RRN3: variants seen among roughly 807,000 people sequenced by gnomAD.
RRN3 encodes the protein RNA polymerase I-specific transcription initiation factor RRN3.
In RRN3, 38 loss-of-function variants were observed where a neutral mutation model predicts 82.3. That is an observed-to-expected ratio of 0.46 (90% CI 0.36 to 0.61). The LOEUF (loss-of-function observed/expected upper bound fraction) is 0.61. RRN3 is among the 20% of genes least tolerant of loss of function. The pLI is 0.00. For synonymous variants in RRN3, 284 were observed against 284.3 expected (o/e 1.00, Z 0.01); for missense variants, 726 against 793.1 (o/e 0.92, Z 1.02).
chr16:15,066,420 C>G (rs896104070), intron 15 of RRN3, among the ~76,000 whole-genome samples: 1 of 152,016 alleles, frequency 6.6e-6, no homozygotes, highest in Non-Finnish European at 1.5e-5. Flanking sequence ...TTCACTTGAG[C>G]TCAGGAGTTT....
At chr16:15,081,275 C>T (rs2151802814) in intron 8 of RRN3, among the ~76,000 whole-genome samples, 1 of 152,308 alleles carries the variant, frequency 6.6e-6, no homozygotes, top group Admixed American at 6.5e-5. Flanking sequence ...CTACATTTAA[C>T]CTTGAAGAAA....
rs376859834 is a variant in RRN3, at chr16:15,061,771, C to T, written c.1929G>A (p.Val643=). 25 of 1,613,928 alleles carry T rather than the reference C, an allele frequency of 1.5e-5. No individual in the cohort carries two copies. The highest frequency in any genetic ancestry group is 2.2e-5 in the East Asian group (1 of 44,876). The change falls in exon 18 of 18, where the codon GTG becomes GTA. Residue 643 remains valine, a synonymous_variant. Transcript: ENST00000198767. ...AGAGGGGACTGGGTTGCATGTACAA[C>T]ACGGGTGGGGAGCCCACACTACTTG... The part of the protein sequence containing the change: ...SPSSSVGSPP[V]LYMQPSPL
chr16:15,093,135 G>C (rs1005740047), intron 1 of RRN3, among the ~76,000 whole-genome samples: 2 of 152,070 alleles, frequency 1.3e-5, no homozygotes, highest in Admixed American at 1.3e-4. Context: ...CTCCTGAGTA[G>C]CTGGGATTAC....
At chr16:15,069,173 C>T (rs1366572564) in intron 14 of RRN3, among the ~76,000 whole-genome samples, 1 of 152,178 alleles carries the variant, frequency 6.6e-6, no homozygotes, top group Non-Finnish European at 1.5e-5. Context: ...CTGCGACCCC[C>T]GCAGAGGACA....
At chr16:15,072,058 C>CA (rs1423848968) in intron 12 of RRN3, among the ~76,000 whole-genome samples, 1 of 152,066 alleles carries the variant, frequency 6.6e-6, no homozygotes, top group Admixed American at 6.5e-5. Flanking sequence ...TGGAAAAAAA[C>CA]AGACACAGCT....
chr16:15,068,112 T>G, intron 15 of RRN3, 57 bp downstream of exon 15: 1 of 1,494,494 alleles, frequency 6.7e-7, no homozygotes, highest in Non-Finnish European at 9.1e-7. Flanking sequence ...CAATACTAGA[T>G]AAACATAAAT....
In RRN3 at chr16:15,076,576, C is replaced by T. The variant is rs547477317; in HGVS notation, c.840G>A (p.Thr280=). The T allele has an allele frequency of 5.3e-5, 86 of 1,611,470 alleles. No homozygotes were observed. In the East Asian group the frequency reaches 8.9e-4, roughly 17 times the overall value. ...TGCTAACCATATTAAACAATCCTTC[C>T]GTGGAATCTGTCCCACCACAAGTTT... The part of the protein sequence containing the change: ...ATQTCGGTDS[T]EGLFNMDEDE... The change falls in exon 10 of 18, where the codon ACG becomes ACA. Residue 280 remains threonine (T), a synonymous_variant. Transcript: ENST00000198767.
chr16:15,090,873 G>GT (rs4012873), intron 3 of RRN3, among the ~76,000 whole-genome samples: 1,387 of 128,094 alleles, frequency 0.011, 11 homozygotes, highest in Non-Finnish European at 0.014. Flanking sequence ...TCAGTGGTTT[G>GT]TTTTTTTTTT....
Position 15,061,922 on chromosome 16 carries a change from A to T in RRN3, c.1795-17T>A. On this transcript the variant is annotated splice_polypyrimidine_tract_variant and intron_variant, in intron 17 of 17. Transcript: ENST00000198767. ...CACTATGTCCTGCAGAAACATCAGA[A>T]ATCATCAGTAACATCACCAGTGCTG... 1.2e-6 allele frequency: 2 copies of T among 1,600,432 alleles called. No homozygotes were observed. The highest frequency in any genetic ancestry group is 1.7e-6 in the Non-Finnish European group (2 of 1,168,238).
At position 15,080,080 on chromosome 16, in the gene RRN3, T is replaced by C. The variant is rs1719506048; in HGVS notation, c.683A>G (p.Asn228Ser). 6.3e-7 allele frequency: 1 copy of C among 1,598,968 alleles called. No homozygotes were observed. Residue 228 changes from asparagine to serine, a missense_variant, in exon 9 of 18, where the codon AAC becomes AGC. By Grantham distance (46) the Asn-to-Ser change is conservative. Around this residue, in one of 4 missense-constraint regions of RRN3, gnomAD observed 344 missense variants for 394.5 expected, o/e 0.87. Coordinates refer to ENST00000198767, the MANE Select transcript of RRN3 (RefSeq NM_018427.5). ...SERTLECYVHNLLRISVYFPT... is the reference protein window; with the variant it reads ...SERTLECYVHSLLRISVYFPT... Reference sequence around the variant, plus strand: ...AAAATATACACTAATCCTTAGTAAGTTATGAACGTAACATTCCTAAAGGAG... The same window carrying C: ...AAAATATACACTAATCCTTAGTAAGCTATGAACGTAACATTCCTAAAGGAG...
At chr16:15,073,470 AAGAC>A (rs1458257351) in intron 11 of RRN3, among the ~76,000 whole-genome samples, 1 of 152,186 alleles carries the variant, frequency 6.6e-6, no homozygotes, top group Admixed American at 6.5e-5. Flanking sequence ...AAAAAAAAGA[AAGAC>A]AGACATTATC....
At chr16:15,084,733 G>A (rs758915427) in intron 6 of RRN3, 28 bp from the exon 7 acceptor site, 2 of 1,566,030 alleles carry the variant, frequency 1.3e-6, no homozygotes, top group East Asian at 2.2e-5. Flanking sequence ...CAGAGTATGA[G>A]CATCAAAACA....
At position 15,083,713 on chromosome 16, in the gene RRN3, C is replaced by G. The variant is rs546009978; in HGVS notation, c.597-131G>C. ...AAACAGGAACCCCTACCTCAAAGAA[C>G]TGGAACTTTTTTTGTTTTTTGAGAC... On this transcript the variant is annotated intron_variant, in intron 7 of 17. Coordinates refer to ENST00000198767, the MANE Select transcript of RRN3 (RefSeq NM_018427.5). The G allele has an allele frequency of 1.6e-3, 2,146 of 1,352,344 alleles. 3 individuals carry two copies. The highest frequency in any genetic ancestry group is 1.8e-3 in the Non-Finnish European group (1,751 of 995,768). The allele number at this position is 1,352,344 out of a possible 1,614,324, so 83.8% of individuals were successfully genotyped here.
At chr16:15,075,185 G>A (rs2045398752) in intron 10 of RRN3, among the ~76,000 whole-genome samples, 1 of 150,928 alleles carries the variant, frequency 6.6e-6, no homozygotes, top group African/African-American at 2.4e-5. Flanking sequence ...GGAGGTGGAG[G>A]AGGCTACAGT....
At position 15,072,618 on chromosome 16, in the gene RRN3, C is replaced by T. The variant is rs910634451; in HGVS notation, c.1128+332G>A. 5.9e-5 allele frequency among the ~76,000 whole-genome samples: 9 copies of T among 152,074 alleles called. 1 individual carries two copies. Among genetic ancestry groups the T allele is most frequent in the African/African-American group, 1.2e-4 (5 of 41,400 alleles). On this transcript the variant is annotated intron_variant, in intron 12 of 17. Transcript: ENST00000198767. ...AGGAGTTCAAGACCAGTATGGCCAA[C>T]GTGGCGAAACCCCACCTCTTCTAAA...
chr16:15,093,457 CT>C (rs1423777159), intron 1 of RRN3, among the ~76,000 whole-genome samples: 1 of 152,170 alleles, frequency 6.6e-6, no homozygotes, highest in Admixed American at 6.5e-5. Flanking sequence ...TATGTACTGC[CT>C]TTCCCCCCTA....
Position 15,061,757 on chromosome 16 carries a change from G to C in RRN3, c.1943C>G (p.Pro648Arg). Reference protein sequence around the residue: ...VGSPPVLYMQPSPL With the variant: ...VGSPPVLYMQRSPL Reference sequence around the variant, plus strand: ...AAATTTCTGCCGTCAGAGGGGACTGGGTTGCATGTACAACACGGGTGGGGA... The same window carrying C: ...AAATTTCTGCCGTCAGAGGGGACTGCGTTGCATGTACAACACGGGTGGGGA... Residue 648 changes from proline (P) to arginine (R), a missense_variant, in exon 18 of 18, where the codon CCC (proline) becomes CGC (arginine). Coordinates refer to ENST00000198767, the MANE Select transcript of RRN3 (RefSeq NM_018427.5). 1 of 1,612,930 alleles carries C rather than the reference G, an allele frequency of 6.2e-7. No homozygotes were observed. The highest frequency in any genetic ancestry group is 8.5e-7 in the Non-Finnish European group (1 of 1,178,954).
rs2044791915 is a variant in RRN3, at chr16:15,063,234, C to T, written c.1756G>A (p.Ala586Thr). 6.2e-7 allele frequency: 1 copy of T among 1,613,566 alleles called. No homozygotes were observed. The highest frequency in any genetic ancestry group is 1.1e-5 in the South Asian group (1 of 91,062). Residue 586 changes from alanine to threonine, a missense_variant, in exon 17 of 18, where the codon GCT (alanine) becomes ACT (threonine). Ala to Thr is a moderately conservative substitution (Grantham distance 58). This residue lies in a region of RRN3 where 166 missense variants were observed against 154.8 expected (regional missense o/e 1.07). Coordinates refer to ENST00000198767, the MANE Select transcript of RRN3 (RefSeq NM_018427.5). ...TTCTTGAACTCCTGTAGCTCTTCAG[C>T]ACTCATGTCTTCCCACACCTGATAA... is the stretch of plus-strand genomic sequence containing the variant. ...PIYQVWEDMS[A>T]EELQEFKKPM...
intron 10 of RRN3, 49 bp downstream of exon 10, chr16:15,076,509 C>T (rs2045460700): frequency 2.4e-6 from 3 of 1,255,966 alleles, no homozygotes; most frequent in Non-Finnish European, 3.5e-6. Flanking sequence ...TAGCTGTTTC[C>T]ACCCTTTATG....
Sources: gnomAD v4.1 joint callset for allele counts (sites outside exome capture counted in the v4.1 genomes callset) on GRCh38, gnomAD v4.1.1 for gene constraint, gnomAD v4.1.1 regional missense constraint, MANE v1.5 for transcripts, NCBI Gene and HGNC (gene_info 2026-07-23, HGNC 2026-07-21) for gene names.